Variants in PTPRQ observed in about 807,000 individuals in gnomAD.
PTPRQ encodes the protein phosphatidylinositol phosphatase PTPRQ.
Under a neutral mutation model 246.0 loss-of-function variants are expected in PTPRQ, and 199 were observed. The observed-to-expected ratio is 0.81, with a 90% CI of 0.72 to 0.91. The LOEUF is 0.91. PTPRQ is among the 40% of genes least tolerant of loss of function. The probability of loss-of-function intolerance (pLI) is 0.00; values close to 1 mark genes in which losing one functional copy is unlikely to be tolerated. For missense variants in PTPRQ, 2,624 were observed against 2,528.4 expected, an observed-to-expected ratio of 1.04 and a Z score of -0.81; for synonymous variants, 869 against 853.2, an observed-to-expected ratio of 1.02 and a Z score of -0.32.
chr12:80,464,093 G>C (rs1048116025), intron 6 of PTPRQ, among the ~76,000 whole-genome samples: 15 of 151,864 alleles, frequency 9.9e-5, no homozygotes, highest in African/African-American at 3.6e-4. Context: ...AAAGAGTCAA[G>C]ACCCATCAGT....
At chr12:80,472,388 C>A in intron 8 of PTPRQ, 137 bp downstream of exon 8, 1 of 1,226,392 alleles carries the variant, frequency 8.2e-7, no homozygotes, top group Non-Finnish European at 1.1e-6. Flanking sequence ...CTACCTAATT[C>A]ATTCTGAACA....
intron 25 of PTPRQ, among the ~76,000 whole-genome samples, chr12:80,565,072 A>G (rs987950852): frequency 6.6e-6 from 1 of 152,242 alleles, no homozygotes; most frequent in African/African-American, 2.4e-5. Context: ...TAAGATCTGT[A>G]AAATACTGAG....
intron 25 of PTPRQ, among the ~76,000 whole-genome samples, chr12:80,584,657 C>G (rs143368435): frequency 2.0e-5 from 3 of 152,096 alleles, no homozygotes; most frequent in Non-Finnish European, 4.4e-5. Context: ...CTCACATCAC[C>G]CTCTCTTCCA....
At chr12:80,649,273 A>T (rs1307938801) in intron 36 of PTPRQ, among the ~76,000 whole-genome samples, 6 of 152,144 alleles carry the variant, frequency 3.9e-5, no homozygotes, top group African/African-American at 1.2e-4. Flanking sequence ...AAGAGGTATT[A>T]TGTGCTTTAG....
chr12:80,525,705 T>A (rs1895664918), intron 17 of PTPRQ, among the ~76,000 whole-genome samples: 1 of 151,844 alleles, frequency 6.6e-6, no homozygotes, highest in African/African-American at 2.4e-5. Context: ...TCGGGTTTCT[T>A]ACTCTGTGTA....
chr12:80,470,910 C>T (rs1219581163), intron 7 of PTPRQ, among the ~76,000 whole-genome samples: 1 of 151,966 alleles, frequency 6.6e-6, no homozygotes, highest in Non-Finnish European at 1.5e-5. Flanking sequence ...ATAGTAATGT[C>T]CAAGTTATGA....
chr12:80,500,446 A>G (rs572943086), intron 14 of PTPRQ, among the ~76,000 whole-genome samples: 180 of 152,138 alleles, frequency 1.2e-3, no homozygotes, highest in African/African-American at 3.7e-3. Flanking sequence ...TGCAAAGGAT[A>G]TCAGCCTTGG....
At chr12:80,541,939 T>G in intron 21 of PTPRQ, 94 bp downstream of exon 21, 1 of 1,460,612 alleles carries the variant, frequency 6.8e-7, no homozygotes, top group Non-Finnish European at 9.0e-7. Context: ...TTATATTGAT[T>G]CTGTTTGATC....
intron 8 of PTPRQ, among the ~76,000 whole-genome samples, chr12:80,482,421 C>G (rs1894101469): frequency 6.6e-6 from 1 of 152,040 alleles, no homozygotes; most frequent in African/African-American, 2.4e-5. Flanking sequence ...CCATAAAAAC[C>G]CTAGAAGAAA....
rs780765187 is a variant in PTPRQ, at chr12:80,541,723, G to A, written c.3323G>A (p.Arg1108Lys). The change falls in exon 21 of 45, where the codon AGA (arginine) becomes AAA (lysine). Residue 1108 changes from arginine (R) to lysine (K), a missense_variant. Transcript: ENST00000644991. ...HVRPPLVTYE[R>K]SIYFDNLEKY... The stretch of plus-strand genomic sequence containing the variant: ...AGACCACCTCTTGTTACATATGAGA[G>A]AAGCATATATTTTGATAATCTGGAA... 6.4e-7 allele frequency: 1 copy of A among 1,551,302 alleles called. No individual in the cohort carries two copies. The highest frequency in any genetic ancestry group is 1.2e-5 in the South Asian group (1 of 84,034).
chr12:80,674,129 T>A (rs1901060689), intron 43 of PTPRQ, among the ~76,000 whole-genome samples: 2 of 152,148 alleles, frequency 1.3e-5, no homozygotes, highest in Non-Finnish European at 2.9e-5. Context: ...CTAGTCTGTA[T>A]AACTACAATA....
chr12:80,675,877 A>G (rs564100819), intron 43 of PTPRQ, among the ~76,000 whole-genome samples: 16 of 152,168 alleles, frequency 1.1e-4, no homozygotes, highest in Non-Finnish European at 1.9e-4. Flanking sequence ...GACTTTGTTT[A>G]GTTAGCCTCT....
At chr12:80,452,712 C>G (rs963376238) in intron 3 of PTPRQ, among the ~76,000 whole-genome samples, 11 of 152,214 alleles carry the variant, frequency 7.2e-5, no homozygotes, top group Admixed American at 5.2e-4. Flanking sequence ...CTTCTGGCTT[C>G]TAGAGTTTCT....
At chr12:80,641,074 C>T (rs1452169425) in intron 35 of PTPRQ, among the ~76,000 whole-genome samples, 1 of 152,166 alleles carries the variant, frequency 6.6e-6, no homozygotes, top group Non-Finnish European at 1.5e-5. Context: ...ATTTCTTGTT[C>T]CCTGACTCTC....
At chr12:80,575,414 C>T (rs897250702) in intron 25 of PTPRQ, among the ~76,000 whole-genome samples, 2 of 151,556 alleles carry the variant, frequency 1.3e-5, no homozygotes, top group African/African-American at 4.9e-5. Flanking sequence ...AGCGAGATCC[C>T]GTTAGTACAA....
Position 80,673,220 on chromosome 12 carries a change from A to T in PTPRQ, c.6654A>T (p.Gln2218His). 3 of 1,551,032 alleles carry T rather than the reference A, an allele frequency of 1.9e-6. No individual in the cohort carries two copies. Among genetic ancestry groups the T allele is most frequent in the Non-Finnish European group, 2.6e-6 (3 of 1,146,520 alleles). The change falls in exon 43 of 45, where the codon CAA (glutamine) becomes CAT (histidine). Residue 2218 changes from glutamine (Q) to histidine (H), a missense_variant. Transcript: ENST00000644991. ...GVFIALDHLT[Q>H]HINDHDFVDI... ...TTATTGCTCTGGACCATTTAACACA[A>T]CATATAAATGACCATGATTTTGTGG...
At chr12:80,640,836 A>G (rs1899829474) in intron 35 of PTPRQ, among the ~76,000 whole-genome samples, 1 of 152,184 alleles carries the variant, frequency 6.6e-6, no homozygotes, top group Non-Finnish European at 1.5e-5. Context: ...CAAAATGCAC[A>G]TTGACTCATA....
chr12:80,667,322 T>C (rs1405628898), intron 39 of PTPRQ, among the ~76,000 whole-genome samples: 1 of 151,906 alleles, frequency 6.6e-6, no homozygotes, highest in Non-Finnish European at 1.5e-5. Flanking sequence ...AGTTTGGAGA[T>C]GGGCTGGAGA....
chr12:80,620,255 G>A lies in PTPRQ; in HGVS notation c.5491G>A (p.Gly1831Arg). 1.9e-6 allele frequency: 3 copies of A among 1,549,386 alleles called. No homozygotes were observed. The highest frequency in any genetic ancestry group is 2.6e-6 in the Non-Finnish European group (3 of 1,145,490). The change falls in exon 32 of 45, where the codon GGA becomes AGA. Residue 1831 changes from glycine to arginine, a missense_variant. Physicochemically the swap from Gly to Arg is moderately radical, Grantham distance 125. Transcript: ENST00000644991. ...EGFPNPPCTEGKTKFSGNEEI... is the reference protein window; with the variant it reads ...EGFPNPPCTERKTKFSGNEEI... Reference sequence around the variant, plus strand: ...CTTTCCTAACCCTCCATGTACAGAAGGAAAGACAAAGTTTAGTGGCAATGA... The same window carrying A: ...CTTTCCTAACCCTCCATGTACAGAAAGAAAGACAAAGTTTAGTGGCAATGA...
Sources: gnomAD v4.1 joint callset for allele counts (sites outside exome capture counted in the v4.1 genomes callset) on GRCh38, gnomAD v4.1.1 for gene constraint, MANE v1.5 for transcripts, NCBI Gene and HGNC (gene_info 2026-07-23, HGNC 2026-07-21) for gene names.